Variants in SVIL observed in about 807,000 individuals in gnomAD.
SVIL encodes the protein supervillin.
A neutral mutation model predicts 240.4 loss-of-function variants in SVIL; 101 were observed. The observed-to-expected ratio is 0.42, with a 90% CI of 0.36 to 0.50. SVIL has a LOEUF of 0.50. Among genes scored for constraint, SVIL ranks in the 20% least tolerant of loss-of-function variants. The probability of loss-of-function intolerance (pLI) is 0.01; values close to 1 mark genes in which losing one functional copy is unlikely to be tolerated. For missense variants in SVIL, 2,512 were observed against 2,818.7 expected, an observed-to-expected ratio of 0.89 and a Z score of 2.46; for synonymous variants, 999 against 1,100.0, an observed-to-expected ratio of 0.91 and a Z score of 1.82.
At position 29,462,307 on chromosome 10, in the gene SVIL, G is replaced by A. The variant is rs1944359272; in HGVS notation, c.6372C>T (p.His2124=). Residue 2124 remains histidine (H), a synonymous_variant, in exon 36 of 38, where the codon CAC becomes CAT. Coordinates refer to ENST00000355867, the MANE Select transcript of SVIL (RefSeq NM_021738.3). ...CTGTGATCTCAGCGATGTCCTCTCTGTGCTCCCAGCTGGGAAACATATTGG... is the reference window on the plus strand; with the variant it reads ...CTGTGATCTCAGCGATGTCCTCTCTATGCTCCCAGCTGGGAAACATATTGG... ...TFTNMFPSWE[H]REDIAEITEM... The A allele has an allele frequency of 1.2e-6, 2 of 1,614,216 alleles. No homozygotes were observed. Among genetic ancestry groups the A allele is most frequent in the African/African-American group, 1.3e-5 (1 of 75,042 alleles).
chr10:29,494,775 G>C, intron 20 of SVIL, 139 bp downstream of exon 20: 1 of 787,312 alleles, frequency 1.3e-6, no homozygotes, highest in East Asian at 2.5e-5. Flanking sequence ...CCCCAATTTA[G>C]TACGTTATCA....
At chr10:29,496,573 G>A (rs1948464289) in intron 18 of SVIL, 8 of 352,066 alleles carry the variant, frequency 2.3e-5, no homozygotes, top group South Asian at 1.3e-4. Flanking sequence ...CCCTGCTGGC[G>A]GTTCAGGCAG....
At chr10:29,602,514 A>C (rs1445310846) in intron 1 of SVIL, among the ~76,000 whole-genome samples, 2 of 152,218 alleles carry the variant, frequency 1.3e-5, no homozygotes, top group Non-Finnish European at 2.9e-5. Context: ...AAGAAAGAGA[A>C]TGCAAATGTT....
intron 3 of SVIL, among the ~76,000 whole-genome samples, chr10:29,559,790 A>G (rs1954285189): frequency 6.6e-6 from 1 of 152,144 alleles, no homozygotes. Flanking sequence ...TGGGAGCTGG[A>G]GGTTAGTTTT....
rs573532881 is a variant in SVIL at position 29,540,329 on chromosome 10, A to AGT, written c.828-4261_828-4260insAC. Among the ~76,000 whole-genome samples the AGT allele has an allele frequency of 8.1e-4, 123 of 152,268 alleles. No homozygotes were observed. In the East Asian group the frequency reaches 0.014, roughly 17 times the overall value. ...GATGTGACAGCCTCTGGAGAGAGAG[A>AGT]GACTTCGTTCACATTCATCTCCTCG... is the stretch of plus-strand genomic sequence containing the variant. On this transcript the variant is annotated intron_variant, in intron 6 of 37. Transcript: ENST00000355867.
At chr10:29,589,924 T>C (rs954492848) in intron 1 of SVIL, among the ~76,000 whole-genome samples, 4 of 152,018 alleles carry the variant, frequency 2.6e-5, no homozygotes, top group Admixed American at 6.5e-5. Context: ...ATCCCAGCAC[T>C]TTGGGAGGCT....
chr10:29,606,818 G>GCC (rs1405311159), intron 1 of SVIL, among the ~76,000 whole-genome samples: 3 of 152,156 alleles, frequency 2.0e-5, no homozygotes, highest in East Asian at 3.9e-4. Flanking sequence ...GCAGTGGCAG[G>GCC]ATCTCAGCTC....
chr10:29,466,426 G>A (rs1944935066), intron 33 of SVIL, among the ~76,000 whole-genome samples: 1 of 152,136 alleles, frequency 6.6e-6, no homozygotes, highest in Non-Finnish European at 1.5e-5. Flanking sequence ...ACGCTTCTGT[G>A]TATTGCAGGT....
chr10:29,731,645 A>C (rs1272278361), intron 1 of SVIL, among the ~76,000 whole-genome samples: 1 of 152,102 alleles, frequency 6.6e-6, no homozygotes, highest in Non-Finnish European at 1.5e-5. Flanking sequence ...GGTTACCCTA[A>C]AATAACATTT....
At chr10:29,566,003 G>T (rs530842827) in intron 2 of SVIL, among the ~76,000 whole-genome samples, 5 of 152,304 alleles carry the variant, frequency 3.3e-5, no homozygotes, top group African/African-American at 1.2e-4. Flanking sequence ...TCACGCTGAA[G>T]TATTTTTTGT....
At chr10:29,714,175 G>C (rs1963471675) in intron 1 of SVIL, among the ~76,000 whole-genome samples, 1 of 152,228 alleles carries the variant, frequency 6.6e-6, no homozygotes, top group African/African-American at 2.4e-5. Flanking sequence ...GCTTAGGGTT[G>C]TTGCTGCCAT....
At chr10:29,643,901 T>A (rs1403255429) in intron 3 of SVIL, 3 of 480,474 alleles carry the variant, frequency 6.2e-6, no homozygotes, top group Non-Finnish European at 1.2e-5. Context: ...CAAAATGAGA[T>A]GTGAACTTGC....
chr10:29,477,747 A>T (rs1049480941), intron 29 of SVIL, among the ~76,000 whole-genome samples: 1 of 152,108 alleles, frequency 6.6e-6, no homozygotes, highest in African/African-American at 2.4e-5. Flanking sequence ...TAATTCTCTA[A>T]AGCTGGGCTT....
intron 1 of SVIL, among the ~76,000 whole-genome samples, chr10:29,705,456 A>C (rs917888090): frequency 6.6e-6 from 1 of 152,074 alleles, no homozygotes; most frequent in Non-Finnish European, 1.5e-5. Flanking sequence ...GAGGGAGAAT[A>C]TAGACTGTTC....
rs763416222 is a variant in SVIL at position 29,480,572 on chromosome 10, T to G, written c.5342A>C (p.Tyr1781Ser). 3 of 1,613,622 alleles carry G rather than the reference T, an allele frequency of 1.9e-6. No homozygotes were observed. Among genetic ancestry groups the G allele is most frequent in the Non-Finnish European group, 1.7e-6 (2 of 1,180,014 alleles). Reference sequence around the variant, plus strand: ...CACCATGAACTTCCACTTGACCACATAGGCATCCCCCTCATGGAACTGCCC... The same window carrying G: ...CACCATGAACTTCCACTTGACCACAGAGGCATCCCCCTCATGGAACTGCCC... ...SIGQFHEGDA[Y>S]VVKWKFMVST... Residue 1781 changes from tyrosine (Y) to serine (S), a missense_variant, in exon 29 of 38, where the codon TAT becomes TCT. By Grantham distance (144) the Tyr-to-Ser change is moderately radical. Coordinates refer to ENST00000355867, the MANE Select transcript of SVIL (RefSeq NM_021738.3).
At chr10:29,601,211 G>A (rs1214962285) in intron 1 of SVIL, among the ~76,000 whole-genome samples, 1 of 151,980 alleles carries the variant, frequency 6.6e-6, no homozygotes, top group Non-Finnish European at 1.5e-5. Flanking sequence ...ATTTCCCCCT[G>A]GATTTTTATT....
chr10:29,608,500 G>C (rs1957109750), intron 1 of SVIL, among the ~76,000 whole-genome samples: 1 of 152,242 alleles, frequency 6.6e-6, no homozygotes. Context: ...CAGCTGCCCA[G>C]CCGTGGACCT....
At chr10:29,529,539 C>T (rs1378917191) in intron 12 of SVIL, among the ~76,000 whole-genome samples, 166 bp downstream of exon 12, 2 of 152,204 alleles carry the variant, frequency 1.3e-5, no homozygotes, top group African/African-American at 4.8e-5. Context: ...CATCCCATTA[C>T]AAAGTTTAGA....
chr10:29,490,682 G>A (rs1462587281), intron 22 of SVIL, among the ~76,000 whole-genome samples, 165 bp downstream of exon 22: 1 of 151,746 alleles, frequency 6.6e-6, no homozygotes, highest in Non-Finnish European at 1.5e-5. Context: ...AATCTTTAAA[G>A]TCTAGGTGCG....
Sources: gnomAD v4.1 joint callset for allele counts (sites outside exome capture counted in the v4.1 genomes callset) on GRCh38, gnomAD v4.1.1 for gene constraint, MANE v1.5 for transcripts, NCBI Gene and HGNC (gene_info 2026-07-23, HGNC 2026-07-21) for gene names.